The following RAB38 variants were observed in gnomAD, a reference collection of about 807,000 sequenced individuals.
RAB38 encodes ras-related protein Rab-38.
Under a neutral mutation model 18.4 loss-of-function variants are expected in RAB38, and 15 were observed. That is an observed-to-expected ratio of 0.82 (90% CI 0.55 to 1.26). RAB38 has a LOEUF of 1.26. RAB38 is among the 50% of genes most tolerant of loss of function. RAB38 has a pLI of 0.00. For synonymous variants in RAB38, 101 were observed against 104.4 expected, an observed-to-expected ratio of 0.97 and a Z score of 0.20; for missense variants, 294 against 267.4, an observed-to-expected ratio of 1.10 and a Z score of -0.69.
the RAB38 span, among the ~76,000 whole-genome samples, chr11:87,966,607 T>C: frequency 6.6e-6 from 1 of 152,152 alleles, no homozygotes; most frequent in African/African-American, 2.4e-5. Context: ...AATGCTAAAA[T>C]TAACCTCATT....
chr11:87,922,595 T>C, the RAB38 span, among the ~76,000 whole-genome samples: 123,847 of 151,824 alleles, frequency 0.82, 50,825 homozygotes, highest in East Asian at 0.93. Flanking sequence ...AGTCATCTTA[T>C]GGAGATTTTC....
chr11:87,967,491 T>C, the RAB38 span, among the ~76,000 whole-genome samples: 1 of 152,176 alleles, frequency 6.6e-6, no homozygotes, highest in Non-Finnish European at 1.5e-5. Context: ...AAAACAAGAC[T>C]ATCCTTAGAG....
chr11:87,820,139 C>A, the RAB38 span, among the ~76,000 whole-genome samples: 1 of 152,178 alleles, frequency 6.6e-6, no homozygotes, highest in Non-Finnish European at 1.5e-5. Flanking sequence ...AATTGCTATT[C>A]TTAGTGCTCT....
the RAB38 span, among the ~76,000 whole-genome samples, chr11:88,031,539 T>C: frequency 1.3e-5 from 2 of 151,938 alleles, no homozygotes; most frequent in Non-Finnish European, 1.5e-5. Flanking sequence ...TGTCTCAGGA[T>C]ACAAAATCAA....
the RAB38 span, among the ~76,000 whole-genome samples, chr11:87,975,526 C>T: frequency 1.1e-4 from 16 of 151,852 alleles, no homozygotes; most frequent in East Asian, 1.4e-3. Context: ...GGTAAATATA[C>T]GGGTAATTAT....
At chr11:87,967,873 G>A in the RAB38 span, among the ~76,000 whole-genome samples, 3 of 152,132 alleles carry the variant, frequency 2.0e-5, no homozygotes, top group Non-Finnish European at 2.9e-5. Context: ...AATGCCCTGC[G>A]GTGGGTAGGA....
the RAB38 span, among the ~76,000 whole-genome samples, chr11:88,032,945 T>G: frequency 1.3e-5 from 2 of 152,178 alleles, no homozygotes; most frequent in Non-Finnish European, 2.9e-5. Flanking sequence ...TATTGTGGCA[T>G]TATTCACAAT....
the RAB38 span, among the ~76,000 whole-genome samples, chr11:87,851,997 T>C: frequency 7.2e-5 from 11 of 152,310 alleles, no homozygotes; most frequent in African/African-American, 2.6e-4. Context: ...CTATATTTTT[T>C]ATGCTAAGTT....
At chr11:87,956,626 G>C in the RAB38 span, among the ~76,000 whole-genome samples, 1 of 152,242 alleles carries the variant, frequency 6.6e-6, no homozygotes, top group African/African-American at 2.4e-5. Context: ...TGGGAGCTCA[G>C]AACATGATAT....
the RAB38 span, among the ~76,000 whole-genome samples, chr11:87,961,852 T>G: frequency 6.6e-6 from 1 of 152,276 alleles, no homozygotes; most frequent in South Asian, 2.1e-4. Flanking sequence ...TTATGTCATA[T>G]TTATGCCTTG....
At position 88,134,676 on chromosome 11, in the gene RAB38, A is replaced by G. The variant is rs561682770; in HGVS notation, c.483+14999T>C. ...AGAACATTCATAAATACAAGGTAGA[A>G]TTTGAGTACTTCTCACAATCTCATT... On this transcript the variant is annotated intron_variant, in intron 2 of 2. Transcript: ENST00000243662. Among the ~76,000 whole-genome samples the G allele has an allele frequency of 2.6e-5, 4 of 152,362 alleles. No individual in the cohort carries two copies. In the South Asian group the frequency reaches 6.2e-4, roughly 24 times the overall value.
At chr11:87,868,608 A>AGAGAGAGAGAGAGAGAGAGG in the RAB38 span, among the ~76,000 whole-genome samples, 8 of 103,058 alleles carry the variant, frequency 7.8e-5, no homozygotes, top group Non-Finnish European at 9.5e-5. Flanking sequence ...AGAGAGAGAG[A>AGAGAGAGAGAGAGAGAGAGG]GAGAGAGAGA....
the RAB38 span, among the ~76,000 whole-genome samples, chr11:88,052,930 A>AT: frequency 5.9e-5 from 1 of 16,944 alleles, no homozygotes; most frequent in African/African-American, 1.9e-4. Context: ...ATATATATAT[A>AT]TATATATATA....
At chr11:88,091,731 C>A in the RAB38 span, among the ~76,000 whole-genome samples, 1 of 151,892 alleles carries the variant, frequency 6.6e-6, no homozygotes, top group Admixed American at 6.6e-5. Context: ...TTGGGGCTAG[C>A]CTGGGAGGGT....
chr11:88,147,164 CA>C (rs1290382708), intron 2 of RAB38, among the ~76,000 whole-genome samples: 1 of 152,164 alleles, frequency 6.6e-6, no homozygotes, highest in Non-Finnish European at 1.5e-5. Context: ...ATAAGTATCA[CA>C]CATCATATAT....
the RAB38 span, among the ~76,000 whole-genome samples, chr11:88,090,290 C>T: frequency 6.6e-6 from 1 of 151,874 alleles, no homozygotes; most frequent in African/African-American, 2.4e-5. Flanking sequence ...TAGTCAAATT[C>T]GAATGTGCTT....
chr11:88,148,401 G>C (rs991687542), intron 2 of RAB38, among the ~76,000 whole-genome samples: 15 of 152,090 alleles, frequency 9.9e-5, no homozygotes, highest in African/African-American at 3.6e-4. Flanking sequence ...CTCAAATCCA[G>C]GTTTTCTTTC....
At chr11:87,956,358 A>T in the RAB38 span, among the ~76,000 whole-genome samples, 4 of 152,246 alleles carry the variant, frequency 2.6e-5, no homozygotes. Flanking sequence ...GAGAAGAACA[A>T]AAATATCCTT....
At chr11:87,821,495 C>T in the RAB38 span, among the ~76,000 whole-genome samples, 5 of 152,170 alleles carry the variant, frequency 3.3e-5, no homozygotes, top group African/African-American at 7.2e-5. Context: ...TCAAATGTAA[C>T]TGCAAGAAGC....
Sources: allele counts gnomAD v4.1 joint callset (sites outside exome capture counted in the v4.1 genomes callset), GRCh38; gene constraint gnomAD v4.1.1; transcripts MANE v1.5; gene names NCBI Gene and HGNC (gene_info 2026-07-23, HGNC 2026-07-21).